Variants in IL1RAPL1 observed in about 807,000 individuals in gnomAD.
IL1RAPL1 encodes interleukin 1 receptor accessory protein like 1, also known as interleukin-1 receptor accessory protein-like 1.
IL1RAPL1 carries 3 observed loss-of-function variants against 48.4 expected under a neutral mutation model. That is an observed-to-expected ratio of 0.06 (90% CI 0.03 to 0.16). IL1RAPL1 has a LOEUF of 0.16. Among genes scored for constraint, IL1RAPL1 ranks in the 10% least tolerant of loss-of-function variants. The pLI is 1.00. For synonymous variants in IL1RAPL1, 185 were observed against 187.7 expected, an observed-to-expected ratio of 0.99 and a Z score of 0.12; for missense variants, 349 against 530.6, an observed-to-expected ratio of 0.66 and a Z score of 3.36.
chrX:29,432,484 CCT>C (rs779839952), intron 5 of IL1RAPL1, among the ~76,000 whole-genome samples: 2 of 111,511 alleles, frequency 1.8e-5, no homozygotes, highest in East Asian at 5.7e-4. Context: ...TACACAAAGT[CCT>C]CTAGTACTTT....
chrX:28,790,532 G>A (rs1421793334), intron 2 of IL1RAPL1, among the ~76,000 whole-genome samples: 1 of 112,825 alleles, frequency 8.9e-6, no homozygotes, highest in African/African-American at 3.2e-5. Context: ...GGAGGGCATT[G>A]TGCATGGACA....
chrX:29,542,126 A>G (rs1360081645), intron 5 of IL1RAPL1, among the ~76,000 whole-genome samples: 1 of 111,298 alleles, frequency 9.0e-6, no homozygotes, highest in Non-Finnish European at 1.9e-5. Flanking sequence ...ATCCAAGCTC[A>G]AAACACTAAT....
chrX:29,004,898 C>A (rs1186815403), intron 2 of IL1RAPL1, among the ~76,000 whole-genome samples: 1 of 111,646 alleles, frequency 9.0e-6, no homozygotes, highest in African/African-American at 3.3e-5. Flanking sequence ...GGTGGCCACT[C>A]CTCATGATAG....
chrX:29,747,171 T>G (rs988202696), intron 6 of IL1RAPL1, among the ~76,000 whole-genome samples: 1 of 111,366 alleles, frequency 9.0e-6, no homozygotes, highest in African/African-American at 3.3e-5. Context: ...GTTTCAGAAT[T>G]GAGAGGTGAT....
intron 9 of IL1RAPL1, among the ~76,000 whole-genome samples, chrX:29,950,670 C>CTT (rs749918523): frequency 1.5e-3 from 143 of 96,521 alleles, no homozygotes; most frequent in African/African-American, 3.8e-3. Flanking sequence ...ATCCTAAGGC[C>CTT]TTTTTTTTTT....
chrX:29,592,320 C>T (rs1046504208), intron 5 of IL1RAPL1, among the ~76,000 whole-genome samples: 1 of 110,826 alleles, frequency 9.0e-6, no homozygotes, highest in Non-Finnish European at 1.9e-5. Flanking sequence ...TTCATAAATT[C>T]CATTCATTAA....
intron 2 of IL1RAPL1, among the ~76,000 whole-genome samples, chrX:28,897,426 G>T (rs1922954402): frequency 8.9e-6 from 1 of 111,880 alleles, no homozygotes; most frequent in Non-Finnish European, 1.9e-5. Context: ...CGCGTCTCCT[G>T]TCTCTACCAG....
chrX:29,645,818 C>T (rs1444281863), intron 5 of IL1RAPL1, among the ~76,000 whole-genome samples: 1 of 112,045 alleles, frequency 8.9e-6, no homozygotes, highest in Non-Finnish European at 1.9e-5. Flanking sequence ...TCAGCAGCCG[C>T]AAATCCAATC....
intron 2 of IL1RAPL1, among the ~76,000 whole-genome samples, chrX:28,856,589 A>T (rs1387953735): frequency 9.0e-6 from 1 of 111,506 alleles, no homozygotes; most frequent in African/African-American, 3.3e-5. Context: ...CTCTCACAAT[A>T]TTTCATACTT....
At chrX:29,724,893 G>T (rs1927736469) in intron 6 of IL1RAPL1, among the ~76,000 whole-genome samples, 1 of 111,670 alleles carries the variant, frequency 9.0e-6, no homozygotes, top group Non-Finnish European at 1.9e-5. Flanking sequence ...ATCTCCAATT[G>T]TTTTAAAGTA....
At chrX:29,778,693 A>G (rs1309492433) in intron 6 of IL1RAPL1, among the ~76,000 whole-genome samples, 1 of 112,237 alleles carries the variant, frequency 8.9e-6, no homozygotes, top group Non-Finnish European at 1.9e-5. Flanking sequence ...CTTCACTGTC[A>G]TACCTTTTTT....
chrX:29,147,657 A>G (rs1168080462), intron 2 of IL1RAPL1, among the ~76,000 whole-genome samples: 2 of 112,125 alleles, frequency 1.8e-5, no homozygotes, highest in Non-Finnish European at 3.8e-5. Flanking sequence ...TTTTCTTGCC[A>G]CAGTTTATTC....
intron 1 of IL1RAPL1, among the ~76,000 whole-genome samples, chrX:28,697,854 A>G (rs1468929162): frequency 9.0e-6 from 1 of 111,000 alleles, no homozygotes; most frequent in Non-Finnish European, 1.9e-5. Flanking sequence ...GGGTCCAGAA[A>G]TCTCAAAAGG....
chrX:29,622,411 A>G (rs1924489561), intron 5 of IL1RAPL1, among the ~76,000 whole-genome samples: 1 of 112,488 alleles, frequency 8.9e-6, no homozygotes, highest in Non-Finnish European at 1.9e-5. Flanking sequence ...AATGAACCAG[A>G]CATATATTTA....
At chrX:28,828,707 T>G (rs66869338) in intron 2 of IL1RAPL1, among the ~76,000 whole-genome samples, 1 of 112,088 alleles carries the variant, frequency 8.9e-6, no homozygotes. Flanking sequence ...GGACCACCGA[T>G]GTCTGTTCTT....
intron 3 of IL1RAPL1, among the ~76,000 whole-genome samples, chrX:29,356,218 A>G (rs774749076): frequency 9.0e-5 from 10 of 110,821 alleles, no homozygotes; most frequent in Non-Finnish European, 1.7e-4. Flanking sequence ...TTTCTTCATT[A>G]TATGTGCATA....
intron 5 of IL1RAPL1, among the ~76,000 whole-genome samples, chrX:29,521,170 C>T (rs1164164238): frequency 1.8e-5 from 2 of 112,315 alleles, no homozygotes; most frequent in African/African-American, 6.5e-5. Flanking sequence ...AAACCTCATC[C>T]AATGTCAGCA....
chrX:28,963,175 G>A (rs781469289), intron 2 of IL1RAPL1, among the ~76,000 whole-genome samples: 4 of 111,214 alleles, frequency 3.6e-5, no homozygotes, highest in African/African-American at 1.3e-4. Flanking sequence ...CTGCCTCAAC[G>A]TTATTTGACT....
At chrX:28,805,084 T>C (rs1475011375) in intron 2 of IL1RAPL1, among the ~76,000 whole-genome samples, 2 of 110,440 alleles carry the variant, frequency 1.8e-5, no homozygotes, top group African/African-American at 6.6e-5. Context: ...CCTGACCAGA[T>C]AGATTGGAAA....
Sources: allele counts gnomAD v4.1 joint callset (sites outside exome capture counted in the v4.1 genomes callset), GRCh38; gene constraint gnomAD v4.1.1; transcripts MANE v1.5; gene names NCBI Gene and HGNC (gene_info 2026-07-23, HGNC 2026-07-21).